Variants in ADAMTS16 observed in about 807,000 individuals in gnomAD.
ADAMTS16 encodes ADAM metallopeptidase with thrombospondin type 1 motif 16.
In ADAMTS16, 94 loss-of-function variants were observed where a neutral mutation model predicts 145.8. The observed-to-expected ratio is 0.64, with a 90% confidence interval of 0.55 to 0.77. The LOEUF (loss-of-function observed/expected upper bound fraction) is 0.77. Among genes scored for constraint, ADAMTS16 ranks in the 30% least tolerant of loss-of-function variants. The pLI is 0.00. For synonymous variants in ADAMTS16, 659 were observed against 604.3 expected, an observed-to-expected ratio of 1.09 and a Z score of -1.33; for missense variants, 1,585 against 1,591.5, an observed-to-expected ratio of 1.00 and a Z score of 0.07.
intron 3 of ADAMTS16, among the ~76,000 whole-genome samples, chr5:5,165,940 A>G (rs186444836): frequency 7.9e-5 from 12 of 152,248 alleles, no homozygotes; most frequent in Admixed American, 7.2e-4. Flanking sequence ...GGCAATAGCT[A>G]TCCTGAATCA....
intron 18 of ADAMTS16, among the ~76,000 whole-genome samples, chr5:5,303,014 C>G (rs1015349294): frequency 6.6e-6 from 1 of 151,962 alleles, no homozygotes; most frequent in Non-Finnish European, 1.5e-5. Context: ...GGGTTCTTTC[C>G]AAGTCCACTG....
Position 5,200,214 on chromosome 5 carries a change from A to G in ADAMTS16, c.1396A>G (p.Asn466Asp), listed in dbSNP as rs1440253155. The G allele has an allele frequency of 6.2e-7, 1 of 1,613,988 alleles. No individual in the cohort carries two copies. Among genetic ancestry groups the G allele is most frequent in the Non-Finnish European group, 8.5e-7 (1 of 1,180,008 alleles). The change falls in exon 9 of 23, where the codon AAT becomes GAT. Residue 466 changes from asparagine (N) to aspartate (D), a missense_variant. Transcript: ENST00000274181. ...NIMSPTLAGR[N>D]GVFSWSPCSR... ...CATGTCCCCTACATTGGCAGGACGC[A>G]ATGGAGTCTTCTCCTGGTCACCCTG...
At chr5:5,198,138 G>A (rs968443206) in intron 8 of ADAMTS16, among the ~76,000 whole-genome samples, 7 of 152,144 alleles carry the variant, frequency 4.6e-5, no homozygotes, top group Admixed American at 1.3e-4. Context: ...CAAGTTTATC[G>A]AGGGCAATTT....
chr5:5,273,243 G>A (rs2126456214), intron 18 of ADAMTS16, among the ~76,000 whole-genome samples: 1 of 152,336 alleles, frequency 6.6e-6, no homozygotes, highest in Non-Finnish European at 1.5e-5. Context: ...AATGAGTGCT[G>A]GGCCTGGCCC....
intron 3 of ADAMTS16, among the ~76,000 whole-genome samples, chr5:5,156,093 TC>T (rs375781364): frequency 6.0e-4 from 91 of 152,294 alleles, no homozygotes; most frequent in African/African-American, 2.0e-3. Context: ...CCTTAGACTG[TC>T]CGCATTGTGT....
At chr5:5,157,338 A>G (rs764492974) in intron 3 of ADAMTS16, among the ~76,000 whole-genome samples, 5 of 152,144 alleles carry the variant, frequency 3.3e-5, no homozygotes, top group Non-Finnish European at 2.9e-5. Flanking sequence ...GAAATACCAA[A>G]TAAGGGATGT....
At chr5:5,227,999 G>A (rs1467331808) in intron 11 of ADAMTS16, among the ~76,000 whole-genome samples, 1 of 152,216 alleles carries the variant, frequency 6.6e-6, no homozygotes, top group Non-Finnish European at 1.5e-5. Flanking sequence ...AAAAAATTCT[G>A]TGTAATATGC....
intron 9 of ADAMTS16, among the ~76,000 whole-genome samples, chr5:5,208,245 G>A (rs1266654769): frequency 6.6e-6 from 1 of 152,124 alleles, no homozygotes; most frequent in Non-Finnish European, 1.5e-5. Flanking sequence ...CAGTCAAGGT[G>A]GACAACCACT....
intron 14 of ADAMTS16, among the ~76,000 whole-genome samples, chr5:5,237,934 T>C (rs1419520895): frequency 1.3e-5 from 2 of 152,202 alleles, no homozygotes; most frequent in African/African-American, 4.8e-5. Flanking sequence ...ACATTGCATG[T>C]AGACAATGGG....
At chr5:5,208,057 C>T (rs573958940) in intron 9 of ADAMTS16, among the ~76,000 whole-genome samples, 1 of 152,184 alleles carries the variant, frequency 6.6e-6, no homozygotes, top group East Asian at 1.9e-4. Context: ...GAAAGTATTC[C>T]CTCTGCTCCA....
intron 17 of ADAMTS16, among the ~76,000 whole-genome samples, chr5:5,249,972 C>G (rs1167684063): frequency 6.6e-6 from 1 of 152,188 alleles, no homozygotes; most frequent in African/African-American, 2.4e-5. Context: ...CCAACCATCC[C>G]TGGCTGAACT....
In ADAMTS16 at chr5:5,308,130, C is replaced by A. The variant is rs562266283; in HGVS notation, c.3411+1402C>A. Reference sequence around the variant, plus strand: ...AAGGTGAAGTCTTACGTTGATCGTGCCACCAAGACACCCGTCACCAAAGCC... The same window carrying A: ...AAGGTGAAGTCTTACGTTGATCGTGACACCAAGACACCCGTCACCAAAGCC... On this transcript the variant is annotated intron_variant, in intron 21 of 22. Coordinates refer to ENST00000274181, the MANE Select transcript of ADAMTS16 (RefSeq NM_139056.4). Among the ~76,000 whole-genome samples, 8 of 152,360 alleles carry A rather than the reference C, an allele frequency of 5.3e-5. No homozygotes were observed. In the South Asian group the frequency reaches 1.7e-3, roughly 32 times the overall value.
intron 3 of ADAMTS16, 119 bp from the exon 4 acceptor site, chr5:5,181,925 A>T: frequency 1.7e-6 from 2 of 1,180,492 alleles, no homozygotes; most frequent in East Asian, 4.8e-5. Flanking sequence ...GTTCGCTCTC[A>T]CTGGAGGGAA....
Position 5,310,459 on chromosome 5 carries a change from A to G in ADAMTS16, c.3411+3731A>G, listed in dbSNP as rs1728572614. Among the ~76,000 whole-genome samples, 1 of 152,208 alleles carries G rather than the reference A, an allele frequency of 6.6e-6. No individual in the cohort carries two copies. Among genetic ancestry groups the G allele is most frequent in the Non-Finnish European group, 1.5e-5 (1 of 68,040 alleles). On this transcript the variant is annotated intron_variant, in intron 21 of 22. Transcript: ENST00000274181. The surrounding 1 kb of genome is among the most constrained non-coding windows in gnomAD (Gnocchi z 4.3). ...ATATAATCTTATTGGAAATAGATGC[A>G]GATGTAATGACCTGGGCTGACATCA...
At chr5:5,238,097 C>T (rs755110651) in intron 14 of ADAMTS16, among the ~76,000 whole-genome samples, 7 of 152,162 alleles carry the variant, frequency 4.6e-5, no homozygotes, top group Admixed American at 6.5e-5. Context: ...GAGGGTTAGG[C>T]TGGATGATTC....
At chr5:5,263,872 G>A (rs956347072) in intron 18 of ADAMTS16, among the ~76,000 whole-genome samples, 11 of 152,176 alleles carry the variant, frequency 7.2e-5, no homozygotes, top group African/African-American at 1.9e-4. Flanking sequence ...AGTGGGCCCC[G>A]AGCTCTTGTC....
chr5:5,291,284 G>A (rs1739305329), intron 18 of ADAMTS16, among the ~76,000 whole-genome samples: 2 of 151,992 alleles, frequency 1.3e-5, no homozygotes, highest in South Asian at 4.2e-4. Context: ...TACTGCTATA[G>A]GAAAACATGG....
chr5:5,201,299 G>A (rs995797162), intron 9 of ADAMTS16, among the ~76,000 whole-genome samples: 7 of 152,124 alleles, frequency 4.6e-5, no homozygotes, highest in Admixed American at 4.6e-4. Context: ...GTGACAGAGA[G>A]CCATCTGTGC....
intron 3 of ADAMTS16, among the ~76,000 whole-genome samples, chr5:5,174,576 C>G (rs1262174221): frequency 1.3e-5 from 2 of 152,076 alleles, no homozygotes; most frequent in Non-Finnish European, 2.9e-5. Context: ...GGTCCAATAA[C>G]TCTTAGATTT....
Sources: allele counts gnomAD v4.1 joint callset (sites outside exome capture counted in the v4.1 genomes callset), GRCh38; gene constraint gnomAD v4.1.1; non-coding constraint Gnocchi (gnomAD v3.1); transcripts MANE v1.5; gene names NCBI Gene and HGNC (gene_info 2026-07-23, HGNC 2026-07-21).